PARP8: variants seen among roughly 807,000 people sequenced by gnomAD.
PARP8 encodes poly(ADP-ribose) polymerase family member 8.
In PARP8, 51 loss-of-function variants were observed where a neutral mutation model predicts 124.1. The observed-to-expected ratio is 0.41, with a 90% confidence interval of 0.33 to 0.52. The LOEUF is 0.52. Among genes scored for constraint, PARP8 ranks in the 20% least tolerant of loss-of-function variants. The pLI is 0.21. For missense variants in PARP8, 860 were observed against 1,018.9 expected, an observed-to-expected ratio of 0.84 and a Z score of 2.12; for synonymous variants, 391 against 361.5, an observed-to-expected ratio of 1.08 and a Z score of -0.93.
intron 14 of PARP8, among the ~76,000 whole-genome samples, chr5:50,814,973 A>ATT (rs201524519): frequency 6.7e-6 from 1 of 148,520 alleles, no homozygotes; most frequent in African/African-American, 2.5e-5. Flanking sequence ...GAATCATGCT[A>ATT]TTTTTTTTTT....
chr5:50,826,881 A>C, intron 19 of PARP8, 78 bp downstream of exon 19: 9 of 1,529,914 alleles, frequency 5.9e-6, no homozygotes, highest in African/African-American at 1.4e-5. Context: ...CCTACCTTGT[A>C]ATTTTTAGCC....
chr5:50,725,184 A>G (rs1164992016), intron 2 of PARP8, among the ~76,000 whole-genome samples: 3 of 151,296 alleles, frequency 2.0e-5, no homozygotes, highest in East Asian at 1.9e-4. Flanking sequence ...TTCTGTATCC[A>G]CTCATTAGTT....
chr5:50,805,537 T>G (rs1743728637), intron 14 of PARP8, among the ~76,000 whole-genome samples: 2 of 152,238 alleles, frequency 1.3e-5, no homozygotes, highest in Admixed American at 6.6e-5. Context: ...ATCACAAACA[T>G]TTAATTTAAT....
chr5:50,815,561 T>C, intron 15 of PARP8, 37 bp downstream of exon 15: 1 of 1,474,350 alleles, frequency 6.8e-7, no homozygotes, highest in Non-Finnish European at 9.2e-7. Context: ...CTTATTTTGC[T>C]TTGAAAAATT....
At chr5:50,824,809 T>G (rs1159205199) in intron 17 of PARP8, 99 bp from the exon 18 acceptor site, 2 of 872,042 alleles carry the variant, frequency 2.3e-6, no homozygotes, top group East Asian at 2.5e-5. Context: ...TTTTTAAGTC[T>G]TACTAGATTA....
At chr5:50,814,372 A>G (rs1744846791) in intron 14 of PARP8, among the ~76,000 whole-genome samples, 1 of 152,190 alleles carries the variant, frequency 6.6e-6, no homozygotes, top group Non-Finnish European at 1.5e-5. Flanking sequence ...ATGTATATCT[A>G]AATATATATT....
chr5:50,814,735 C>T (rs1359823394), intron 14 of PARP8, among the ~76,000 whole-genome samples: 1 of 152,114 alleles, frequency 6.6e-6, no homozygotes, highest in East Asian at 1.9e-4. Flanking sequence ...TGCAGAGGCA[C>T]CGTGGATTGC....
intron 2 of PARP8, among the ~76,000 whole-genome samples, chr5:50,673,101 C>G (rs1750224373): frequency 6.6e-6 from 1 of 152,080 alleles, no homozygotes; most frequent in African/African-American, 2.4e-5. Context: ...ATTATATATT[C>G]AAAATATTGA....
At chr5:50,828,651 G>A (rs1180522308) in intron 21 of PARP8, among the ~76,000 whole-genome samples, 2 of 151,972 alleles carry the variant, frequency 1.3e-5, no homozygotes, top group Non-Finnish European at 1.5e-5. Context: ...AAGCTGAGGC[G>A]GGCAGATCGC....
intron 2 of PARP8, chr5:50,669,074 T>A (rs1475074468): frequency 1.3e-5 from 2 of 152,208 alleles, no homozygotes; most frequent in Non-Finnish European, 2.9e-5. Flanking sequence ...TGTGAACTTT[T>A]AAAAACACGT....
At chr5:50,683,464 A>G (rs1751511477) in intron 2 of PARP8, among the ~76,000 whole-genome samples, 1 of 152,206 alleles carries the variant, frequency 6.6e-6, no homozygotes, top group Admixed American at 6.5e-5. Context: ...TTGGGAATAC[A>G]AAGATGAAGG....
rs531223650 is a variant in PARP8 at position 50,844,062 on chromosome 5, G to A, written c.*1994G>A. The A allele has an allele frequency of 9.9e-5, 15 of 151,756 alleles. No homozygotes were observed. The highest frequency in any genetic ancestry group is 2.1e-4 in the Non-Finnish European group (14 of 67,804). 9.4% of individuals were successfully genotyped at this position (151,756 alleles called of 1,614,324 possible). A position where few individuals can be genotyped will look rare whatever the true frequency, so the allele number is the denominator to read the frequency against. On this transcript the variant is annotated 3_prime_UTR_variant, in exon 26 of 26. Transcript: ENST00000281631. Reference sequence around the variant, plus strand: ...ATTGGAGTGATCCGTAAAGAATATAGTATTGGAGTCTGAACTGGAACGGTA... The same window carrying A: ...ATTGGAGTGATCCGTAAAGAATATAATATTGGAGTCTGAACTGGAACGGTA...
intron 2 of PARP8, among the ~76,000 whole-genome samples, chr5:50,701,482 A>G (rs1432640543): frequency 2.0e-5 from 3 of 152,114 alleles, no homozygotes; most frequent in Non-Finnish European, 4.4e-5. Context: ...TCTCTTTATA[A>G]TTATTTATTT....
intron 19 of PARP8, among the ~76,000 whole-genome samples, chr5:50,827,216 A>T (rs1202576506): frequency 6.6e-6 from 1 of 152,176 alleles, no homozygotes; most frequent in Non-Finnish European, 1.5e-5. Flanking sequence ...AGCTTAAAAA[A>T]TAATAATTTG....
intron 9 of PARP8, among the ~76,000 whole-genome samples, chr5:50,780,686 A>G (rs1483982854): frequency 6.6e-5 from 10 of 152,250 alleles, no homozygotes; most frequent in African/African-American, 2.4e-4. Context: ...CATATATTTT[A>G]CAATTTGGAA....
chr5:50,803,912 T>G (rs1263635030), intron 14 of PARP8, among the ~76,000 whole-genome samples: 1 of 152,146 alleles, frequency 6.6e-6, no homozygotes. Context: ...ACAATAATGC[T>G]GGAACTCTGG....
rs114363173 is a variant in PARP8, at chr5:50,716,503, G to A, written c.147-33648G>A. Among the ~76,000 whole-genome samples the A allele has an allele frequency of 3.7e-3, 565 of 152,116 alleles. 2 individuals carry two copies. The highest frequency in any genetic ancestry group is 0.013 in the African/African-American group (521 of 41,528). On this transcript the variant is annotated intron_variant, in intron 2 of 25. Coordinates refer to ENST00000281631, the MANE Select transcript of PARP8 (RefSeq NM_024615.4). ...TTTCCCTACAGGGTAAAAACAGAGG[G>A]GATTTCTTTATCATGCTGGCTCAGG...
chr5:50,691,897 T>TA (rs1320652669), intron 2 of PARP8, among the ~76,000 whole-genome samples: 1 of 152,134 alleles, frequency 6.6e-6, no homozygotes, highest in African/African-American at 2.4e-5. Context: ...AGCCCCTACT[T>TA]ACAATTAATG....
intron 17 of PARP8, among the ~76,000 whole-genome samples, chr5:50,824,021 A>G (rs1746062340): frequency 6.6e-6 from 1 of 152,230 alleles, no homozygotes; most frequent in African/African-American, 2.4e-5. Flanking sequence ...ACAACATTAT[A>G]CTGTGCTGTT....
Sources: allele counts gnomAD v4.1 joint callset (sites outside exome capture counted in the v4.1 genomes callset), GRCh38; gene constraint gnomAD v4.1.1; transcripts MANE v1.5; gene names NCBI Gene and HGNC (gene_info 2026-07-23, HGNC 2026-07-21).